MROH2B: variants seen among roughly 807,000 people sequenced by gnomAD.
The protein encoded by MROH2B is maestro heat like repeat family member 2B.
MROH2B carries 177 observed loss-of-function variants against 208.6 expected under a neutral mutation model. The ratio of observed to expected loss-of-function variants is 0.85; its 90% CI spans 0.75 to 0.96. The LOEUF (loss-of-function observed/expected upper bound fraction) is 0.96. Among genes scored for constraint, MROH2B ranks in the 40% least tolerant of loss-of-function variants. The pLI, the probability that MROH2B is intolerant of heterozygous loss-of-function variation, is 0.00. For synonymous variants in MROH2B, 728 were observed against 659.0 expected, an observed-to-expected ratio of 1.10 and a Z score of -1.60; for missense variants, 2,002 against 1,878.7, an observed-to-expected ratio of 1.07 and a Z score of -1.21.
Position 41,004,377 on chromosome 5 carries a change from A to G in MROH2B, c.4163T>C (p.Ile1388Thr), listed in dbSNP as rs1741500363. ...DRDVSFYFKE[I>T]VLQTRTFFED... ...AAAGAAGGTCCTTGTTTGCAGCACT[A>G]TTTCCTTGAAGTAGAAGCTCACGTC... The change falls in exon 37 of 42, where the codon ATA (isoleucine) becomes ACA (threonine). Residue 1388 changes from isoleucine to threonine, a missense_variant. Coordinates refer to ENST00000399564, the MANE Select transcript of MROH2B (RefSeq NM_173489.5). 11 of 1,613,630 alleles carry G rather than the reference A, an allele frequency of 6.8e-6. No homozygotes were observed. Among genetic ancestry groups the G allele is most frequent in the African/African-American group, 1.3e-5 (1 of 74,870 alleles).
intron 11 of MROH2B, among the ~76,000 whole-genome samples, chr5:41,054,533 T>A (rs1379886888): frequency 6.6e-6 from 1 of 152,224 alleles, no homozygotes; most frequent in Non-Finnish European, 1.5e-5. Context: ...CCTGCAATTA[T>A]TTTAAATAAG....
chr5:41,039,586 T>G, intron 19 of MROH2B, 31 bp from the exon 20 acceptor site: 1 of 1,423,452 alleles, frequency 7.0e-7, no homozygotes. Context: ...ACATTTTGAG[T>G]TTAACCATTT....
chr5:41,010,667 C>T (rs1207639338), intron 30 of MROH2B, among the ~76,000 whole-genome samples: 1 of 152,124 alleles, frequency 6.6e-6, no homozygotes, highest in Non-Finnish European at 1.5e-5. Flanking sequence ...GCAGTGCAAC[C>T]ACTCTGTATG....
intron 24 of MROH2B, 34 bp downstream of exon 24, chr5:41,032,708 A>G (rs745782688): frequency 1.3e-6 from 2 of 1,566,044 alleles, no homozygotes; most frequent in East Asian, 4.5e-5. Flanking sequence ...GGGGGAAAAT[A>G]CTTTTTCAAT....
intron 39 of MROH2B, 75 bp downstream of exon 39, chr5:41,000,145 C>A: frequency 6.4e-7 from 1 of 1,570,046 alleles, no homozygotes; most frequent in Non-Finnish European, 8.6e-7. Flanking sequence ...TTCCTTGCTA[C>A]ATTGTTTGCC....
At chr5:41,020,846 A>G (rs1742122229) in intron 24 of MROH2B, among the ~76,000 whole-genome samples, 1 of 152,218 alleles carries the variant, frequency 6.6e-6, no homozygotes, top group African/African-American at 2.4e-5. Flanking sequence ...ATTATATTCA[A>G]TGGTGAAAGG....
In MROH2B at chr5:41,008,624, T is replaced by C. The variant is rs1168491444; in HGVS notation, c.3590A>G (p.Gln1197Arg). 6.2e-7 allele frequency: 1 copy of C among 1,613,836 alleles called. No individual in the cohort carries two copies. Among genetic ancestry groups the C allele is most frequent in the East Asian group, 2.2e-5 (1 of 44,880 alleles). ...RHVMQQGEQQ[Q>R]IPDPCRLSTA... ...CGTTTACCTGCAGGGGTCTGGGATC[T>C]GCTGCTGTTCTCCCTGCTGCATCAC... The change falls in exon 33 of 42, where the codon CAG becomes CGG. Residue 1197 changes from glutamine (Q) to arginine (R), a missense_variant. Coordinates refer to ENST00000399564, the MANE Select transcript of MROH2B (RefSeq NM_173489.5).
In MROH2B at chr5:41,033,078, T is replaced by A; in HGVS notation, c.2324A>T (p.Gln775Leu). 6.2e-7 allele frequency: 1 copy of A among 1,613,126 alleles called. No individual in the cohort carries two copies. The highest frequency in any genetic ancestry group is 1.7e-5 in the Admixed American group (1 of 59,856). ...AVQDAEDQGF[Q>L]FSYKEMLIGY... ...AATCAGCATCTCCTTGTAGGAAAAC[T>A]GGAACCCCTGATCCTCAGCATCTTG... The change falls in exon 23 of 42, where the codon CAG (glutamine) becomes CTG (leucine). Residue 775 changes from glutamine (Q) to leucine (L), a missense_variant. Gln to Leu is a moderately radical substitution (Grantham distance 113). Transcript: ENST00000399564.
intron 22 of MROH2B, 65 bp downstream of exon 22, chr5:41,033,773 G>A (rs1164375064): frequency 9.2e-7 from 1 of 1,087,650 alleles, no homozygotes; most frequent in Admixed American, 2.3e-5. Flanking sequence ...GCACACTTCA[G>A]GGGGGCATTA....
intron 31 of MROH2B, 123 bp from the exon 32 acceptor site, chr5:41,009,529 C>T: frequency 2.5e-6 from 3 of 1,221,816 alleles, no homozygotes; most frequent in African/African-American, 1.5e-5. Context: ...GATGGACATG[C>T]TGCCATGCCT....
intron 28 of MROH2B, among the ~76,000 whole-genome samples, chr5:41,017,553 C>T (rs1370334481): frequency 6.6e-6 from 1 of 151,988 alleles, no homozygotes; most frequent in African/African-American, 2.4e-5. Context: ...ATGAGAAAAA[C>T]AGAGCCACTG....
chr5:41,005,018 C>T, intron 35 of MROH2B, 98 bp from the exon 36 acceptor site: 1 of 1,462,240 alleles, frequency 6.8e-7, no homozygotes, highest in Non-Finnish European at 9.1e-7. Context: ...AGAGAGGACC[C>T]CACTGCTTGT....
chr5:41,045,630 T>C (rs1357509141), intron 18 of MROH2B, 116 bp downstream of exon 18: 6 of 421,204 alleles, frequency 1.4e-5, no homozygotes, highest in Non-Finnish European at 2.3e-5. Context: ...AGGGAACTCT[T>C]TTTTTTTTTA....
chr5:41,004,941 C>T, intron 35 of MROH2B, 21 bp from the exon 36 acceptor site: 1 of 1,611,722 alleles, frequency 6.2e-7, no homozygotes, highest in Non-Finnish European at 8.5e-7. Flanking sequence ...CAACACACTC[C>T]TCCCGTTTAG....
chr5:41,014,509 C>T (rs1339465987), intron 29 of MROH2B, among the ~76,000 whole-genome samples: 1 of 152,110 alleles, frequency 6.6e-6, no homozygotes, highest in African/African-American at 2.4e-5. Context: ...ATGGGTGCAG[C>T]ACACCAACAT....
intron 24 of MROH2B, among the ~76,000 whole-genome samples, chr5:41,021,378 A>G (rs1742142117): frequency 6.6e-6 from 1 of 152,224 alleles, no homozygotes; most frequent in Admixed American, 6.5e-5. Flanking sequence ...GAATAGATGT[A>G]CAGATTTAAT....
intron 29 of MROH2B, among the ~76,000 whole-genome samples, chr5:41,014,356 A>G (rs1344786636): frequency 1.3e-5 from 2 of 152,132 alleles, no homozygotes; most frequent in Non-Finnish European, 2.9e-5. Flanking sequence ...CAAACACTGC[A>G]TGTTCTCACT....
At position 41,048,414 on chromosome 5, in the gene MROH2B, C is replaced by G; in HGVS notation, c.1594G>C (p.Gly532Arg). Residue 532 changes from glycine to arginine, a missense_variant, in exon 16 of 42, where the codon GGG becomes CGG. By Grantham distance (125) the Gly-to-Arg change is moderately radical. Transcript: ENST00000399564. ...LGELRGAGAI[G>R]LLKILPEIIH... ...ATCTCAGGCAGTATCTTCAAAAGCCCTATTGCACCAGCCCCACGTAACTCC... is the reference window on the plus strand; with the variant it reads ...ATCTCAGGCAGTATCTTCAAAAGCCGTATTGCACCAGCCCCACGTAACTCC... The G allele has an allele frequency of 1.9e-6, 3 of 1,613,644 alleles. No homozygotes were observed. The highest frequency in any genetic ancestry group is 2.5e-6 in the Non-Finnish European group (3 of 1,179,692).
chr5:41,032,668 A>G (rs1742610980), intron 24 of MROH2B, 74 bp downstream of exon 24: 2 of 1,258,050 alleles, frequency 1.6e-6, no homozygotes, highest in Non-Finnish European at 2.3e-6. Flanking sequence ...GTCTGCACTA[A>G]CAGATGTTAG....
Sources: allele counts gnomAD v4.1 joint callset (sites outside exome capture counted in the v4.1 genomes callset), GRCh38; gene constraint gnomAD v4.1.1; transcripts MANE v1.5; gene names NCBI Gene and HGNC (gene_info 2026-07-23, HGNC 2026-07-21).